DCLK1: variants seen among roughly 807,000 people sequenced by gnomAD.
DCLK1 encodes serine/threonine-protein kinase DCLK1.
Under a neutral mutation model 86.2 loss-of-function variants are expected in DCLK1, and 16 were observed. The ratio of observed to expected loss-of-function variants is 0.19; its 90% CI spans 0.13 to 0.28. DCLK1 has a LOEUF of 0.28. DCLK1 is among the 10% of genes least tolerant of loss of function. DCLK1 has a pLI of 1.00. For missense variants in DCLK1, 590 were observed against 940.2 expected (o/e 0.63, Z 4.87); for synonymous variants, 369 against 370.5 (o/e 1.00, Z 0.05).
intron 3 of DCLK1, among the ~76,000 whole-genome samples, chr13:35,991,701 A>G (rs530960276): frequency 6.6e-6 from 1 of 152,250 alleles, no homozygotes; most frequent in South Asian, 2.1e-4. Flanking sequence ...GTAAATTTGC[A>G]TGCTTTTCTC....
At chr13:36,016,515 A>G (rs1881542781) in intron 3 of DCLK1, among the ~76,000 whole-genome samples, 1 of 152,174 alleles carries the variant, frequency 6.6e-6, no homozygotes, top group Non-Finnish European at 1.5e-5. Flanking sequence ...ACATAATGGT[A>G]GAAGAGAAAA....
intron 1 of DCLK1, 54 bp from the exon 2 acceptor site, chr13:36,126,210 TATA>T (rs1886179704): frequency 5.4e-6 from 7 of 1,305,492 alleles, no homozygotes; most frequent in Admixed American, 2.9e-5. Context: ...GTTATATATA[TATA>T]TATATTTTTT....
chr13:35,861,137 G>A (rs529492282), intron 5 of DCLK1, among the ~76,000 whole-genome samples: 1 of 152,222 alleles, frequency 6.6e-6, no homozygotes, highest in Admixed American at 6.5e-5. Context: ...AAGATAAAGT[G>A]GGAGGACACC....
rs766434117 is a variant in DCLK1, at chr13:36,056,893, C to CAAAA, written c.723+54972_723+54975dup. On this transcript the variant is annotated intron_variant, in intron 3 of 16. Transcript: ENST00000360631. ...CCTGGGCGACAGAGCAAGACTGTGA[C>CAAAA]AAAAAAAAAAAAAATATATATATAT... 1.1e-3 allele frequency among the ~76,000 whole-genome samples: 107 copies of CAAAA among 101,308 alleles called. 3 individuals carry two copies. The highest frequency in any genetic ancestry group is 5.4e-3 in the East Asian group (16 of 2,972). 66.5% of individuals were successfully genotyped at this position (101,308 alleles called of 152,430 possible).
intron 3 of DCLK1, among the ~76,000 whole-genome samples, chr13:36,035,147 G>C (rs972546102): frequency 6.6e-6 from 1 of 152,092 alleles, no homozygotes; most frequent in African/African-American, 2.4e-5. Flanking sequence ...CTGCTATTGT[G>C]TCTCTCCCTC....
intron 3 of DCLK1, among the ~76,000 whole-genome samples, chr13:36,008,217 TATTATTA>T (rs1186968454): frequency 2.8e-4 from 11 of 39,502 alleles, no homozygotes; most frequent in Admixed American, 1.0e-3. Context: ...TTATTATTAT[TATTATTA>T]TTATTTTTTT....
At chr13:36,042,881 A>G (rs1307713364) in intron 3 of DCLK1, among the ~76,000 whole-genome samples, 3 of 152,242 alleles carry the variant, frequency 2.0e-5, no homozygotes, top group Admixed American at 6.5e-5. Context: ...TTCTGGTGAG[A>G]AAACATTCAA....
At chr13:35,871,191 G>C (rs1405043242) in intron 5 of DCLK1, 33 bp downstream of exon 5, 1 of 1,568,064 alleles carries the variant, frequency 6.4e-7, no homozygotes. Flanking sequence ...CAGGAACAAG[G>C]CAATTTCTTC....
intron 4 of DCLK1, among the ~76,000 whole-genome samples, chr13:35,938,847 T>C (rs781736436): frequency 6.6e-6 from 1 of 152,112 alleles, no homozygotes. Flanking sequence ...ACATCAAAAA[T>C]TCATGTCACT....
chr13:36,129,243 T>A (rs1231460612), intron 1 of DCLK1, among the ~76,000 whole-genome samples: 5 of 152,214 alleles, frequency 3.3e-5, no homozygotes, highest in Admixed American at 3.3e-4. Flanking sequence ...TGGCAATAGT[T>A]AGAATTCCCT....
intron 4 of DCLK1, among the ~76,000 whole-genome samples, chr13:35,928,896 T>G (rs942797257): frequency 2.6e-5 from 4 of 152,208 alleles, no homozygotes; most frequent in African/African-American, 9.6e-5. Flanking sequence ...GGTGACATTT[T>G]ATATCTCACT....
chr13:35,959,855 G>A (rs2000258), intron 3 of DCLK1, among the ~76,000 whole-genome samples: 73 of 2,156 alleles, frequency 0.034, 1 homozygote, highest in South Asian at 0.11. Context: ...ACAGCAAGTC[G>A]TGTGTGTGTG....
At chr13:35,867,950 A>AAAGAAAGAAAGAAAG in intron 5 of DCLK1, among the ~76,000 whole-genome samples, 1 of 139,766 alleles carries the variant, frequency 7.2e-6, no homozygotes, top group African/African-American at 3.3e-5. Context: ...AGAAAGAAAG[A>AAAGAAAGAAAGAAAG]AAGAAAGAAA....
rs117427254 is a variant in DCLK1, at chr13:35,883,416, T to C, written c.824-12076A>G. On this transcript the variant is annotated intron_variant, in intron 4 of 16. Transcript: ENST00000360631. ...CTTCCCTTCTCCCTTGCCTCCTCTCTCCATGTGATCTCTGCACATACCAGC... is the reference window on the plus strand; with the variant it reads ...CTTCCCTTCTCCCTTGCCTCCTCTCCCCATGTGATCTCTGCACATACCAGC... 6.8e-4 allele frequency among the ~76,000 whole-genome samples: 104 copies of C among 152,284 alleles called. 1 individual carries two copies. In the East Asian group the frequency reaches 0.018, roughly 26 times the overall value.
At position 36,045,359 on chromosome 13, in the gene DCLK1, T is replaced by TAG. The variant is rs1322263566; in HGVS notation, c.723+66509_723+66510insCT. Among the ~76,000 whole-genome samples the TAG allele has an allele frequency of 8.4e-5, 11 of 131,680 alleles. 1 individual carries two copies. In the East Asian group the frequency reaches 2.0e-3, roughly 24 times the overall value. The allele number at this position is 131,680 out of a possible 152,430, so 86.4% of individuals were successfully genotyped here. On this transcript the variant is annotated intron_variant, in intron 3 of 16. Transcript: ENST00000360631. Reference sequence around the variant, plus strand: ...ATATATATATATATATATATATATATATATATATATATATATATTTCAAGG... The same window carrying TAG: ...ATATATATATATATATATATATATATAGATATATATATATATATATTTCAAGG...
chr13:35,778,528 A>C (rs2153097404), intron 16 of DCLK1, among the ~76,000 whole-genome samples: 1 of 152,268 alleles, frequency 6.6e-6, no homozygotes, highest in Middle Eastern at 3.4e-3. Context: ...CTTGTGACTC[A>C]GGAGTAAGCC....
intron 3 of DCLK1, among the ~76,000 whole-genome samples, chr13:36,107,335 A>ATTTTTTTTTT (rs10670428): frequency 3.6e-5 from 4 of 110,308 alleles, no homozygotes; most frequent in Non-Finnish European, 7.1e-5. Flanking sequence ...GCAGTGGTAG[A>ATTTTTTTTTT]TTTTTTTTTT....
chr13:36,026,951 T>C (rs1342403488), intron 3 of DCLK1, among the ~76,000 whole-genome samples: 1 of 152,202 alleles, frequency 6.6e-6, no homozygotes. Context: ...CCTTGAGTTA[T>C]AATCAAATCT....
At chr13:36,111,745 T>C (rs1415958209) in intron 3 of DCLK1, 124 bp downstream of exon 3, 19 of 757,180 alleles carry the variant, frequency 2.5e-5, no homozygotes, top group Middle Eastern at 3.4e-4. Context: ...CAAGTACATA[T>C]TTGTTGATCA....
Sources: gnomAD v4.1 joint callset for allele counts (sites outside exome capture counted in the v4.1 genomes callset) on GRCh38, gnomAD v4.1.1 for gene constraint, MANE v1.5 for transcripts, NCBI Gene and HGNC (gene_info 2026-07-23, HGNC 2026-07-21) for gene names.